RAD54L2: variants seen among roughly 807,000 people sequenced by gnomAD.
The protein encoded by RAD54L2 is helicase ARIP4.
A neutral mutation model predicts 138.4 loss-of-function variants in RAD54L2; 27 were observed. That is an observed-to-expected ratio of 0.20 (90% confidence interval 0.14 to 0.27). The LOEUF (loss-of-function observed/expected upper bound fraction) is 0.27, where lower values mean the gene tolerates loss of function less well. Among genes scored for constraint, RAD54L2 ranks in the 10% least tolerant of loss-of-function variants. The probability of loss-of-function intolerance (pLI) is 1.00; values close to 1 mark genes in which losing one functional copy is unlikely to be tolerated. For synonymous variants in RAD54L2, 644 were observed against 723.2 expected (o/e 0.89, Z 1.76); for missense variants, 1,396 against 1,890.2 (o/e 0.74, Z 4.85).
At chr3:51,540,465 C>T (rs1294865547) in intron 1 of RAD54L2, among the ~76,000 whole-genome samples, 1 of 152,224 alleles carries the variant, frequency 6.6e-6, no homozygotes, top group African/African-American at 2.4e-5. Flanking sequence ...ACGCAAACTC[C>T]AACTCTGAGG....
intron 3 of RAD54L2, among the ~76,000 whole-genome samples, chr3:51,612,908 T>C (rs942644124): frequency 7.8e-4 from 119 of 152,256 alleles, no homozygotes; most frequent in Non-Finnish European, 4.3e-4. Flanking sequence ...ACCCTGTCTG[T>C]AAGATTTTAG....
At chr3:51,541,913 T>G (rs1698563725) in intron 2 of RAD54L2, 1 of 152,210 alleles carries the variant, frequency 6.6e-6, no homozygotes, top group Admixed American at 6.5e-5. Context: ...TCAAAGAAAA[T>G]AAAAACTTGT....
intron 21 of RAD54L2, 112 bp from the exon 22 acceptor site, chr3:51,659,914 G>A (rs956833744): frequency 1.5e-6 from 1 of 655,120 alleles, no homozygotes; most frequent in African/African-American, 1.8e-5. Flanking sequence ...TTGGGAGATG[G>A]TATACCTAAT....
intron 3 of RAD54L2, among the ~76,000 whole-genome samples, chr3:51,606,928 C>A (rs1287584725): frequency 2.6e-5 from 4 of 151,682 alleles, no homozygotes; most frequent in African/African-American, 7.3e-5. Context: ...GTGATTCCCC[C>A]ACCTTGGCAT....
chr3:51,567,721 T>A (rs1684245896), intron 2 of RAD54L2, among the ~76,000 whole-genome samples: 1 of 152,076 alleles, frequency 6.6e-6, no homozygotes, highest in Non-Finnish European at 1.5e-5. Flanking sequence ...AATTTTAATA[T>A]TTTATTTACT....
chr3:51,630,518 C>T (rs1470065566), intron 6 of RAD54L2, 130 bp downstream of exon 6: 2 of 1,007,656 alleles, frequency 2.0e-6, no homozygotes, highest in East Asian at 5.1e-5. Flanking sequence ...CCCTGTGTCT[C>T]CTTGGTAAAT....
chr3:51,636,621 T>C (rs1431353334), intron 10 of RAD54L2, among the ~76,000 whole-genome samples: 1 of 152,220 alleles, frequency 6.6e-6, no homozygotes, highest in Non-Finnish European at 1.5e-5. Context: ...GCAAGTCAGT[T>C]ATACTTTTCA....
intron 19 of RAD54L2, among the ~76,000 whole-genome samples, chr3:51,652,107 G>A (rs1701454665): frequency 6.6e-6 from 1 of 152,306 alleles, no homozygotes; most frequent in Non-Finnish European, 1.5e-5. Flanking sequence ...TACAATATCA[G>A]TGTGCAAAAA....
intron 19 of RAD54L2, among the ~76,000 whole-genome samples, chr3:51,648,239 G>T (rs557744313): frequency 1.3e-5 from 2 of 152,354 alleles, no homozygotes; most frequent in Admixed American, 1.3e-4. Flanking sequence ...CAGCCTGGCT[G>T]GGGGAGAGGT....
chr3:51,545,125 G>A (rs1454756876), intron 2 of RAD54L2, among the ~76,000 whole-genome samples: 1 of 152,182 alleles, frequency 6.6e-6, no homozygotes, highest in Non-Finnish European at 1.5e-5. Flanking sequence ...TGTATGTTCT[G>A]AGTTATTTAC....
intron 2 of RAD54L2, among the ~76,000 whole-genome samples, chr3:51,584,926 C>T (rs1216183728): frequency 6.6e-6 from 1 of 151,938 alleles, no homozygotes; most frequent in Admixed American, 6.6e-5. Context: ...CCACCTCAGC[C>T]TCCCAAGTAG....
chr3:51,580,985 A>G (rs1216133260), intron 2 of RAD54L2, among the ~76,000 whole-genome samples: 1 of 152,250 alleles, frequency 6.6e-6, no homozygotes. Flanking sequence ...TTTTATTTGT[A>G]CTAGATACCA....
chr3:51,648,729 G>A (rs572974625), intron 19 of RAD54L2, among the ~76,000 whole-genome samples: 18 of 152,164 alleles, frequency 1.2e-4, no homozygotes, highest in Admixed American at 2.6e-4. Context: ...CTGTTAGAAG[G>A]AAAACTACAG....
Position 51,663,266 on chromosome 3 carries a change from C to T in RAD54L2, c.4250C>T (p.Pro1417Leu), listed in dbSNP as rs775906098. ...CTTTCGCGGGGCATGTCTATCTATC[C>T]AGGCTACATGTCCCCACATGCAGGC... ...SNLSRGMSIY[P>L]GYMSPHAGYP... The change falls in exon 23 of 23, where the codon CCA becomes CTA. Residue 1417 changes from proline (P) to leucine (L), a missense_variant. Around this residue, in one of 7 missense-constraint regions of RAD54L2, gnomAD observed 634 missense variants for 711.2 expected, o/e 0.89. Coordinates refer to ENST00000684192, the MANE Select transcript of RAD54L2 (RefSeq NM_015106.4). The T allele has an allele frequency of 6.2e-7, 1 of 1,613,960 alleles. No homozygotes were observed. The highest frequency in any genetic ancestry group is 8.5e-7 in the Non-Finnish European group (1 of 1,179,870).
At chr3:51,626,436 CTTTTTTTTTTT>C (rs768354274) in intron 3 of RAD54L2, among the ~76,000 whole-genome samples, 8 of 39,392 alleles carry the variant, frequency 2.0e-4, no homozygotes, top group South Asian at 2.9e-3. Flanking sequence ...CCCCAACGAT[CTTTTTTTTTTT>C]TTTTTTTTTT....
chr3:51,602,079 GC>G (rs1008365205), intron 3 of RAD54L2, among the ~76,000 whole-genome samples: 4 of 151,358 alleles, frequency 2.6e-5, no homozygotes, highest in Non-Finnish European at 5.9e-5. Flanking sequence ...TGATCCGCCT[GC>G]CTTTGCATCC....
At chr3:51,621,630 CT>C (rs1700572501) in intron 3 of RAD54L2, among the ~76,000 whole-genome samples, 1 of 152,220 alleles carries the variant, frequency 6.6e-6, no homozygotes, top group African/African-American at 2.4e-5. Context: ...ACCCTCTGGA[CT>C]TGCCCTCTGT....
At chr3:51,634,096 T>A in intron 9 of RAD54L2, 61 bp downstream of exon 9, 2 of 1,563,604 alleles carry the variant, frequency 1.3e-6, no homozygotes, top group South Asian at 2.3e-5. Flanking sequence ...CGTGATCTGA[T>A]GTTAAGGCAG....
Position 51,590,569 on chromosome 3 carries a change from C to G in RAD54L2, c.139+10C>G, listed in dbSNP as rs1179620084. The G allele has an allele frequency of 6.4e-7, 1 of 1,552,310 alleles. No individual in the cohort carries two copies. The highest frequency in any genetic ancestry group is 2.0e-5 in the Admixed American group (1 of 50,982). ...GAAGACCTGCTGGATGGTAAGTGGG[C>G]TCTATTGAGTGACAGAAGTTGCCTT... is the stretch of plus-strand genomic sequence containing the variant. On this transcript the variant is annotated intron_variant, in intron 3 of 22. Transcript: ENST00000684192.
Sources: allele counts gnomAD v4.1 joint callset (sites outside exome capture counted in the v4.1 genomes callset), GRCh38; gene constraint gnomAD v4.1.1; regional missense constraint gnomAD v4.1.1; transcripts MANE v1.5; gene names NCBI Gene and HGNC (gene_info 2026-07-23, HGNC 2026-07-21).